The following MTMR2 variants were observed in gnomAD, a reference collection of about 807,000 sequenced individuals.
MTMR2 encodes phosphatidylinositol-3,5-bisphosphate 3-phosphatase MTMR2.
MTMR2 carries 55 observed loss-of-function variants against 86.9 expected under a neutral mutation model. The observed-to-expected ratio is 0.63, with a 90% CI of 0.51 to 0.79. MTMR2 has a LOEUF of 0.79. Among genes scored for constraint, MTMR2 ranks in the 30% least tolerant of loss-of-function variants. MTMR2 has a pLI of 0.00. For missense variants in MTMR2, 659 were observed against 772.3 expected, an observed-to-expected ratio of 0.85 and a Z score of 1.74; for synonymous variants, 241 against 266.8, an observed-to-expected ratio of 0.90 and a Z score of 0.94.
intron 2 of MTMR2, among the ~76,000 whole-genome samples, chr11:95,872,947 C>T (rs192249604): frequency 1.0e-3 from 155 of 152,348 alleles, no homozygotes; most frequent in East Asian, 5.8e-4. Context: ...ACCAGCCTTA[C>T]ATCCCAGGGA....
chr11:95,850,932 G>A (rs889259522), intron 7 of MTMR2, among the ~76,000 whole-genome samples, 183 bp from the exon 8 acceptor site: 2 of 151,986 alleles, frequency 1.3e-5, no homozygotes, highest in Non-Finnish European at 2.9e-5. Flanking sequence ...GTAGGGATAC[G>A]TATTCATTTG....
intron 9 of MTMR2, among the ~76,000 whole-genome samples, chr11:95,849,124 A>G (rs1368543486): frequency 6.6e-6 from 1 of 152,086 alleles, no homozygotes; most frequent in Non-Finnish European, 1.5e-5. Flanking sequence ...CCCTCCTCCT[A>G]TAGATTTGGT....
intron 1 of MTMR2, among the ~76,000 whole-genome samples, chr11:95,920,244 G>T (rs1866866131): frequency 6.6e-6 from 1 of 152,182 alleles, no homozygotes; most frequent in South Asian, 2.1e-4. Flanking sequence ...AGATATACAA[G>T]AGTTGCTGAA....
chr11:95,891,959 C>T (rs1288747789), intron 1 of MTMR2, among the ~76,000 whole-genome samples: 3 of 152,128 alleles, frequency 2.0e-5, no homozygotes, highest in Non-Finnish European at 2.9e-5. Context: ...CTGGTATAAA[C>T]GTAAAGTGCT....
chr11:95,853,987 T>C (rs1336277554), intron 7 of MTMR2, among the ~76,000 whole-genome samples: 3 of 152,122 alleles, frequency 2.0e-5, no homozygotes, highest in Non-Finnish European at 4.4e-5. Flanking sequence ...CCCATATCCT[T>C]GTAAAAACAC....
chr11:95,919,819 C>A (rs187210150), intron 1 of MTMR2, among the ~76,000 whole-genome samples: 2 of 152,230 alleles, frequency 1.3e-5, no homozygotes. Context: ...CGTCAACATT[C>A]TTTTATTTAG....
At chr11:95,903,980 T>G (rs531603297) in intron 1 of MTMR2, among the ~76,000 whole-genome samples, 1 of 152,170 alleles carries the variant, frequency 6.6e-6, no homozygotes, top group South Asian at 2.1e-4. Flanking sequence ...CCAGGCGTGG[T>G]GGCACACGAC....
At chr11:95,910,306 T>C (rs1213335854) in intron 1 of MTMR2, among the ~76,000 whole-genome samples, 2 of 152,152 alleles carry the variant, frequency 1.3e-5, no homozygotes, top group Non-Finnish European at 2.9e-5. Flanking sequence ...TTATCATTAC[T>C]TTATTGTCAA....
chr11:95,845,107 G>A lies in MTMR2; in HGVS notation c.1232C>T (p.Thr411Met), dbSNP rs1160054714. 8 of 1,613,816 alleles carry A rather than the reference G, an allele frequency of 5.0e-6. No individual in the cohort carries two copies. In the Admixed American group the frequency reaches 5.0e-5, roughly 10 times the overall value. Residue 411 changes from threonine to methionine, a missense_variant, in exon 11 of 15, where the codon ACG becomes ATG. Coordinates refer to ENST00000346299, the MANE Select transcript of MTMR2 (RefSeq NM_016156.6). ...ATCACTGCAATGCACTACCACAGAC[G>A]TCTTCCCTGACTCTACCTTGTCAGC... ...RIADKVESGKTSVVVHCSDGW... is the reference protein window; with the variant it reads ...RIADKVESGKMSVVVHCSDGW...
chr11:95,890,993 G>T (rs1320732597), intron 1 of MTMR2, among the ~76,000 whole-genome samples: 1 of 152,204 alleles, frequency 6.6e-6, no homozygotes, highest in Non-Finnish European at 1.5e-5. Flanking sequence ...ATCTCATAAA[G>T]TCTATCTGGG....
chr11:95,850,383 C>A (rs1863971169), intron 8 of MTMR2, among the ~76,000 whole-genome samples: 1 of 152,136 alleles, frequency 6.6e-6, no homozygotes, highest in South Asian at 2.1e-4. Context: ...TCATGCAATT[C>A]TGTGCAGTTA....
intron 5 of MTMR2, among the ~76,000 whole-genome samples, chr11:95,860,946 A>C (rs1864395565): frequency 6.6e-6 from 1 of 152,118 alleles, no homozygotes; most frequent in Admixed American, 6.5e-5. Context: ...TCACGAGGTC[A>C]GGAGATTGGG....
chr11:95,917,209 T>C (rs539213472), intron 1 of MTMR2, among the ~76,000 whole-genome samples: 3 of 152,294 alleles, frequency 2.0e-5, no homozygotes, highest in African/African-American at 7.2e-5. Context: ...GACACAAAGA[T>C]AGCAAGTACT....
chr11:95,841,496 C>T, intron 12 of MTMR2, 121 bp downstream of exon 12: 4 of 789,116 alleles, frequency 5.1e-6, no homozygotes, highest in Non-Finnish European at 9.2e-6. Flanking sequence ...CTCACATGGA[C>T]ATGGAGATGT....
chr11:95,856,185 TACTC>T (rs1217646325), intron 7 of MTMR2, among the ~76,000 whole-genome samples: 2 of 151,854 alleles, frequency 1.3e-5, no homozygotes, highest in Non-Finnish European at 2.9e-5. Context: ...TTGAAAAAAA[TACTC>T]AGGAAACCAA....
intron 2 of MTMR2, among the ~76,000 whole-genome samples, chr11:95,880,239 G>A (rs961252626): frequency 3.9e-5 from 6 of 152,000 alleles, no homozygotes; most frequent in Admixed American, 3.3e-4. Context: ...TACATTACTC[G>A]TGTGTTTTAG....
intron 6 of MTMR2, 73 bp from the exon 7 acceptor site, chr11:95,857,708 A>G (rs1590992450): frequency 1.3e-5 from 12 of 946,000 alleles, no homozygotes; most frequent in Middle Eastern, 2.8e-4. Flanking sequence ...ATGTATCCAT[A>G]TATCCAAAGT....
chr11:95,879,339 T>C (rs898289818), intron 2 of MTMR2, among the ~76,000 whole-genome samples: 3 of 152,120 alleles, frequency 2.0e-5, no homozygotes, highest in African/African-American at 7.2e-5. Flanking sequence ...AGATGAGAAA[T>C]GAACCACATA....
intron 1 of MTMR2, chr11:95,912,976 G>A (rs973709918): frequency 4.0e-5 from 6 of 151,886 alleles, no homozygotes; most frequent in African/African-American, 1.2e-4. Flanking sequence ...CCTCATTTTC[G>A]TAAGCATGAA....
Sources: gnomAD v4.1 joint callset for allele counts (sites outside exome capture counted in the v4.1 genomes callset) on GRCh38, gnomAD v4.1.1 for gene constraint, MANE v1.5 for transcripts, NCBI Gene and HGNC (gene_info 2026-07-23, HGNC 2026-07-21) for gene names.